GNA14: variants seen among roughly 807,000 people sequenced by gnomAD.
The protein encoded by GNA14 is guanine nucleotide-binding protein subunit alpha-14.
A neutral mutation model predicts 42.0 loss-of-function variants in GNA14; 50 were observed. The ratio of observed to expected loss-of-function variants is 1.19; its 90% CI spans 0.95 to 1.51. GNA14 has a LOEUF of 1.51. GNA14 is among the 40% of genes most tolerant of loss of function. The probability of loss-of-function intolerance (pLI) is 0.00; values close to 1 mark genes in which losing one functional copy is unlikely to be tolerated. For synonymous variants in GNA14, 173 were observed against 163.1 expected, an observed-to-expected ratio of 1.06 and a Z score of -0.46; for missense variants, 473 against 446.2, an observed-to-expected ratio of 1.06 and a Z score of -0.54.
intron 1 of GNA14, among the ~76,000 whole-genome samples, chr9:77,539,086 C>T (rs1021629441): frequency 9.9e-5 from 15 of 152,174 alleles, no homozygotes; most frequent in Non-Finnish European, 2.2e-4. Flanking sequence ...TGTCTTGTTC[C>T]ATACCTTAGA....
intron 1 of GNA14, among the ~76,000 whole-genome samples, chr9:77,564,162 G>C (rs1822927946): frequency 6.6e-6 from 1 of 152,068 alleles, no homozygotes; most frequent in Admixed American, 6.5e-5. Context: ...TTGTTTGAAG[G>C]ACACAGTCTA....
chr9:77,514,946 A>G (rs1320955742), intron 2 of GNA14, among the ~76,000 whole-genome samples: 3 of 152,180 alleles, frequency 2.0e-5, no homozygotes, highest in Non-Finnish European at 4.4e-5. Flanking sequence ...AAATGAAGTT[A>G]GCTATTTATG....
intron 1 of GNA14, among the ~76,000 whole-genome samples, chr9:77,647,152 G>T (rs903684866): frequency 1.3e-5 from 2 of 152,198 alleles, no homozygotes; most frequent in African/African-American, 4.8e-5. Context: ...AGTTCTCCAG[G>T]CCTCCATGTT....
intron 1 of GNA14, among the ~76,000 whole-genome samples, chr9:77,564,762 G>T (rs1362236176): frequency 6.6e-6 from 1 of 152,090 alleles, no homozygotes; most frequent in East Asian, 1.9e-4. Flanking sequence ...GAACCCAAGA[G>T]GCAGAGATTG....
chr9:77,515,224 C>T (rs1837233007), intron 2 of GNA14, among the ~76,000 whole-genome samples: 1 of 152,166 alleles, frequency 6.6e-6, no homozygotes, highest in African/African-American at 2.4e-5. Context: ...GGCACTGCAG[C>T]TACAAAGGTG....
chr9:77,491,035 G>A (rs1836764994), intron 2 of GNA14, among the ~76,000 whole-genome samples: 1 of 152,248 alleles, frequency 6.6e-6, no homozygotes, highest in Non-Finnish European at 1.5e-5. Flanking sequence ...CTTCTCAATG[G>A]AAACCATACA....
intron 2 of GNA14, among the ~76,000 whole-genome samples, chr9:77,506,716 C>T (rs146581416): frequency 1.6e-4 from 25 of 152,120 alleles, no homozygotes; most frequent in African/African-American, 5.5e-4. Context: ...GTTATTTATA[C>T]TAAGTCTTTG....
At chr9:77,620,063 C>G (rs1823896034) in intron 1 of GNA14, among the ~76,000 whole-genome samples, 1 of 152,110 alleles carries the variant, frequency 6.6e-6, no homozygotes, top group African/African-American at 2.4e-5. Flanking sequence ...CTCAGTTACA[C>G]TGGAGGCACA....
At chr9:77,529,474 A>G (rs1038923604) in intron 1 of GNA14, among the ~76,000 whole-genome samples, 2 of 152,162 alleles carry the variant, frequency 1.3e-5, no homozygotes, top group Non-Finnish European at 2.9e-5. Flanking sequence ...ATGCTTCCCC[A>G]CATCCTTGCC....
chr9:77,508,402 T>G (rs978999467), intron 2 of GNA14, among the ~76,000 whole-genome samples: 6 of 152,160 alleles, frequency 3.9e-5, no homozygotes, highest in African/African-American at 1.4e-4. Context: ...AAGAGAAATA[T>G]GGACTGTGAT....
chr9:77,550,191 TCA>T (rs955869690), intron 1 of GNA14, among the ~76,000 whole-genome samples: 15 of 152,166 alleles, frequency 9.9e-5, no homozygotes, highest in African/African-American at 3.6e-4. Flanking sequence ...CAACATGCAC[TCA>T]GGGGTTGAAG....
intron 1 of GNA14, among the ~76,000 whole-genome samples, chr9:77,641,101 GAAGGAAGGAAGGAAGGAAGGA>G (rs1824257503): frequency 8.0e-4 from 1 of 1,256 alleles, no homozygotes; most frequent in Non-Finnish European, 2.5e-3. Context: ...GGAGGGGGGG[GAAGGAAGGAAGGAAGGAAGGA>G]AGGAAGGAAG....
At chr9:77,645,526 A>G (rs1205727956) in intron 1 of GNA14, among the ~76,000 whole-genome samples, 5 of 152,306 alleles carry the variant, frequency 3.3e-5, no homozygotes, top group African/African-American at 1.2e-4. Flanking sequence ...TGCTAGTCAC[A>G]ACTCCGCAAG....
chr9:77,466,988 C>G (rs533645741), intron 2 of GNA14, among the ~76,000 whole-genome samples: 162 of 141,434 alleles, frequency 1.1e-3, no homozygotes, highest in Non-Finnish European at 2.2e-3. Flanking sequence ...GTTTTTTTGC[C>G]TTTTACCACT....
intron 1 of GNA14, among the ~76,000 whole-genome samples, chr9:77,557,100 A>T: frequency 6.6e-6 from 1 of 152,184 alleles, no homozygotes; most frequent in Admixed American, 6.5e-5. Context: ...AATAAGAACA[A>T]ACCCGGGGGT....
rs560703631 is a variant in GNA14, at chr9:77,435,070, A to G, written c.310-548T>C. Among the ~76,000 whole-genome samples the G allele has an allele frequency of 2.0e-5, 3 of 150,230 alleles. No homozygotes were observed. The South Asian group carries it at 6.3e-4, about 32-fold the overall frequency. On this transcript the variant is annotated intron_variant, in intron 2 of 6. Transcript: ENST00000341700. ...TCATTTAAAAAAAAAAAAAAAAAAA[A>G]AACACTGGCCAGCTGCGGTGGTTCA... is the stretch of plus-strand genomic sequence containing the variant.
intron 2 of GNA14, among the ~76,000 whole-genome samples, chr9:77,457,612 C>T (rs372136482): frequency 6.6e-6 from 1 of 152,298 alleles, no homozygotes; most frequent in Middle Eastern, 3.4e-3. Flanking sequence ...GGTTGTCCTA[C>T]TCTTTGCACT....
At chr9:77,560,506 G>A (rs1822864884) in intron 1 of GNA14, among the ~76,000 whole-genome samples, 1 of 151,876 alleles carries the variant, frequency 6.6e-6, no homozygotes, top group Non-Finnish European at 1.5e-5. Context: ...TGTAGAGATT[G>A]GGTTTTCCCA....
At chr9:77,608,708 A>G (rs1447557038) in intron 1 of GNA14, among the ~76,000 whole-genome samples, 1 of 147,534 alleles carries the variant, frequency 6.8e-6, no homozygotes, top group Non-Finnish European at 1.5e-5. Flanking sequence ...TCCTATCCTG[A>G]CAATGTACGA....
Sources: allele counts gnomAD v4.1 joint callset (sites outside exome capture counted in the v4.1 genomes callset), GRCh38; gene constraint gnomAD v4.1.1; transcripts MANE v1.5; gene names NCBI Gene and HGNC (gene_info 2026-07-23, HGNC 2026-07-21).